Variants in DOP1B observed in about 807,000 individuals in gnomAD.
DOP1B encodes the protein DOP1 leucine zipper like protein B, also known as protein DOP1B.
DOP1B carries 174 observed loss-of-function variants against 233.5 expected under a neutral mutation model. That is an observed-to-expected ratio of 0.75 (90% CI 0.66 to 0.85). The LOEUF is 0.85. Ranked by LOEUF, DOP1B falls within the 40% of genes least tolerant of loss-of-function variation. DOP1B has a pLI of 0.00. For synonymous variants in DOP1B, 1,190 were observed against 1,185.6 expected, an observed-to-expected ratio of 1.00 and a Z score of -0.08; for missense variants, 2,652 against 2,846.6, an observed-to-expected ratio of 0.93 and a Z score of 1.56.
chr21:36,270,552 CAAAAAAAAAAAAA>C (rs398040600), intron 27 of DOP1B, among the ~76,000 whole-genome samples: 2 of 36,808 alleles, frequency 5.4e-5, no homozygotes, highest in Non-Finnish European at 9.6e-5. Flanking sequence ...GACTCCGTCT[CAAAAAAAAAAAAA>C]AAAAAAAAAA....
At chr21:36,219,136 CG>C (rs1489903895) in intron 9 of DOP1B, among the ~76,000 whole-genome samples, 4 of 152,100 alleles carry the variant, frequency 2.6e-5, no homozygotes, top group Non-Finnish European at 5.9e-5. Context: ...ATGTAAAACG[CG>C]TAGAAGGGTG....
intron 18 of DOP1B, among the ~76,000 whole-genome samples, chr21:36,242,118 A>C (rs1020154071): frequency 1.3e-5 from 2 of 150,424 alleles, no homozygotes; most frequent in African/African-American, 4.9e-5. Flanking sequence ...TTTCTGTTTT[A>C]AGAGGAAAGC....
At chr21:36,240,010 A>G in intron 18 of DOP1B, 55 bp downstream of exon 18, 1 of 1,530,792 alleles carries the variant, frequency 6.5e-7, no homozygotes, top group Non-Finnish European at 8.8e-7. Context: ...GGGGGACTGG[A>G]CCTCAGCAGT....
rs754890055 is a variant in DOP1B, at chr21:36,164,890, A to G, written c.138+19A>G. On this transcript the variant is annotated intron_variant, in intron 2 of 36. Transcript: ENST00000691173. ...CAACAAGGTATGTAGGGTGTATCCTATTTGGATTGCATGGAGGTGGGGACG... is the reference window on the plus strand; with the variant it reads ...CAACAAGGTATGTAGGGTGTATCCTGTTTGGATTGCATGGAGGTGGGGACG... The G allele has an allele frequency of 2.0e-6, 3 of 1,512,068 alleles. No individual in the cohort carries two copies. In the South Asian group the frequency reaches 4.2e-5, roughly 21 times the overall value. The allele number at this position is 1,512,068 out of a possible 1,614,324, so 93.7% of individuals were successfully genotyped here. A position where few individuals can be genotyped will look rare whatever the true frequency, so the allele number is the denominator to read the frequency against.
In DOP1B at chr21:36,253,921, G is replaced by A. The variant is rs746443954; in HGVS notation, c.5259+12G>A. On this transcript the variant is annotated intron_variant, in intron 23 of 36. Transcript: ENST00000691173. ...AAGGGGGTGATGAGGTGAGGAGCCTGGGGAAGCCTCTGGGCTTCTGCAGAT... is the reference window on the plus strand; with the variant it reads ...AAGGGGGTGATGAGGTGAGGAGCCTAGGGAAGCCTCTGGGCTTCTGCAGAT... 1.9e-6 allele frequency: 3 copies of A among 1,612,044 alleles called. No homozygotes were observed. The highest frequency in any genetic ancestry group is 2.7e-5 in the African/African-American group (2 of 74,950).
chr21:36,231,844 ATT>A (rs35336231), intron 14 of DOP1B, among the ~76,000 whole-genome samples: 41,502 of 119,394 alleles, frequency 0.35, 7,574 homozygotes, highest in South Asian at 0.46. Flanking sequence ...CGCCCAGCTA[ATT>A]TTTTTTTTTT....
chr21:36,206,083 A>G (rs1005034839), intron 4 of DOP1B, among the ~76,000 whole-genome samples: 10 of 152,032 alleles, frequency 6.6e-5, no homozygotes, highest in African/African-American at 2.4e-4. Flanking sequence ...CGAGATGATC[A>G]TAGTAACTCT....
rs2067457067 is a variant in DOP1B, at chr21:36,284,317, CTGGAG to C, written c.6160+2709_6160+2713del. ...ACGGAGTCTCGCTCTGTCGCCCAGG[CTGGAG>C]TGCAGTGGTGCAATCTCTGCTCACT... On this transcript the variant is annotated intron_variant, in intron 32 of 36. Transcript: ENST00000691173. Among the ~76,000 whole-genome samples, 3 of 136,768 alleles carry C rather than the reference CTGGAG, an allele frequency of 2.2e-5. No individual in the cohort carries two copies. In the East Asian group the frequency reaches 6.6e-4, roughly 30 times the overall value. 89.7% of individuals were successfully genotyped at this position (136,768 alleles called of 152,430 possible).
At chr21:36,258,821 G>A (rs1033324962) in intron 23 of DOP1B, among the ~76,000 whole-genome samples, 5 of 152,154 alleles carry the variant, frequency 3.3e-5, no homozygotes, top group African/African-American at 1.2e-4. Context: ...AAAAATAACA[G>A]CACTGCGAGG....
chr21:36,209,940 CCTG>C (rs1175096171), intron 5 of DOP1B, among the ~76,000 whole-genome samples: 1 of 152,086 alleles, frequency 6.6e-6, no homozygotes, highest in Non-Finnish European at 1.5e-5. Context: ...GGGTTGTAGA[CCTG>C]CTTCACAGGA....
intron 23 of DOP1B, among the ~76,000 whole-genome samples, chr21:36,257,660 A>G (rs113499937): frequency 8.2e-6 from 1 of 122,620 alleles, no homozygotes; most frequent in Non-Finnish European, 1.7e-5. Flanking sequence ...AGGTAAATAG[A>G]TAGATGTAGG....
chr21:36,190,635 C>T (rs537913036), intron 2 of DOP1B, among the ~76,000 whole-genome samples: 36 of 152,256 alleles, frequency 2.4e-4, no homozygotes, highest in Admixed American at 1.4e-3. Flanking sequence ...TGACCTCAAG[C>T]GATCTACCTG....
At chr21:36,228,068 C>G (rs1012370352) in intron 13 of DOP1B, among the ~76,000 whole-genome samples, 191 bp downstream of exon 13, 1 of 152,144 alleles carries the variant, frequency 6.6e-6, no homozygotes, top group Non-Finnish European at 1.5e-5. Context: ...ATGGCTCACA[C>G]CTGTAATACC....
chr21:36,275,868 G>A (rs2067344170), intron 27 of DOP1B, among the ~76,000 whole-genome samples: 1 of 152,170 alleles, frequency 6.6e-6, no homozygotes, highest in Non-Finnish European at 1.5e-5. Flanking sequence ...GTGAAGGGTA[G>A]ATGACTGACC....
At chr21:36,223,518 C>T (rs2066649541) in intron 11 of DOP1B, among the ~76,000 whole-genome samples, 168 bp downstream of exon 11, 1 of 152,168 alleles carries the variant, frequency 6.6e-6, no homozygotes, top group Admixed American at 6.6e-5. Context: ...ACTTAAGATT[C>T]TAGCAGAATA....
intron 11 of DOP1B, 37 bp downstream of exon 11, chr21:36,223,387 A>C (rs776658794): frequency 3.3e-5 from 52 of 1,589,304 alleles, no homozygotes; most frequent in Non-Finnish European, 1.6e-5. Context: ...ATATTTAGGA[A>C]GGATGAGAGG....
In DOP1B at chr21:36,237,359, C is replaced by T. The variant is rs199835846; in HGVS notation, c.2720C>T (p.Pro907Leu). Residue 907 changes from proline to leucine, a missense_variant, in exon 16 of 37, where the codon CCT (proline) becomes CTT (leucine). Transcript: ENST00000691173. ...ELFYRLHCLA[P>L]TANICEDIIC... The stretch of plus-strand genomic sequence containing the variant: ...TTCTACCGGCTGCACTGCCTGGCCC[C>T]TACGGCCAACATCTGCGAGGACATC... The T allele has an allele frequency of 6.2e-7, 1 of 1,614,212 alleles. No homozygotes were observed. Among genetic ancestry groups the T allele is most frequent in the African/African-American group, 1.3e-5 (1 of 75,060 alleles).
intron 15 of DOP1B, among the ~76,000 whole-genome samples, chr21:36,234,010 C>T (rs1403028691): frequency 6.6e-6 from 1 of 152,040 alleles, no homozygotes; most frequent in Non-Finnish European, 1.5e-5. Context: ...CCTGCCACCA[C>T]ACCTGGCTAA....
chr21:36,288,219 C>T lies in DOP1B; in HGVS notation c.6297+69C>T, dbSNP rs762900275. ...TTAAAATGCTTTTTCAGTAACATAA[C>T]GTACTATTTCCTATGTATCCCATTT... On this transcript the variant is annotated intron_variant, in intron 33 of 36. Transcript: ENST00000691173. 659 of 1,449,138 alleles carry T rather than the reference C, an allele frequency of 4.5e-4. 1 individual carries two copies. Among genetic ancestry groups the T allele is most frequent in the Non-Finnish European group, 5.7e-4 (608 of 1,062,876 alleles). The allele number at this position is 1,449,138 out of a possible 1,614,324, so 89.8% of individuals were successfully genotyped here.
Sources: gnomAD v4.1 joint callset for allele counts (sites outside exome capture counted in the v4.1 genomes callset) on GRCh38, gnomAD v4.1.1 for gene constraint, MANE v1.5 for transcripts, NCBI Gene and HGNC (gene_info 2026-07-23, HGNC 2026-07-21) for gene names.